AUTS2: variants seen among roughly 807,000 people sequenced by gnomAD.
AUTS2 encodes the protein activator of transcription and developmental regulator AUTS2, also known as autism susceptibility gene 2 protein.
AUTS2 carries 17 observed loss-of-function variants against 112.4 expected under a neutral mutation model. The ratio of observed to expected loss-of-function variants is 0.15; its 90% CI spans 0.10 to 0.23. The LOEUF (loss-of-function observed/expected upper bound fraction) is 0.23, where lower values mean the gene tolerates loss of function less well. Among genes scored for constraint, AUTS2 ranks in the 10% least tolerant of loss-of-function variants. The pLI is 1.00. For synonymous variants in AUTS2, 751 were observed against 702.7 expected, an observed-to-expected ratio of 1.07 and a Z score of -1.09; for missense variants, 1,510 against 1,701.6, an observed-to-expected ratio of 0.89 and a Z score of 1.98.
At chr7:70,660,393 A>G in intron 5 of AUTS2, among the ~76,000 whole-genome samples, 1 of 152,160 alleles carries the variant, frequency 6.6e-6, no homozygotes, top group East Asian at 1.9e-4. Context: ...CATCTGTGTG[A>G]TGAATCCAGG....
intron 1 of AUTS2, among the ~76,000 whole-genome samples, chr7:69,762,331 G>C (rs973370621): frequency 1.0e-5 from 1 of 98,694 alleles, no homozygotes; most frequent in African/African-American, 4.0e-5. Context: ...TTTTGAGATG[G>C]GGTATCACCC....
At chr7:70,529,364 A>G (rs1483786905) in intron 5 of AUTS2, among the ~76,000 whole-genome samples, 1 of 152,212 alleles carries the variant, frequency 6.6e-6, no homozygotes, top group Non-Finnish European at 1.5e-5. Context: ...GACAGGACAG[A>G]TAGAGTGACT....
intron 1 of AUTS2, among the ~76,000 whole-genome samples, chr7:69,884,218 G>A (rs566567202): frequency 6.6e-6 from 1 of 152,320 alleles, no homozygotes; most frequent in South Asian, 2.1e-4. Flanking sequence ...ACTCTGCTGA[G>A]CTCATTGTGG....
rs1164169546 is a variant in AUTS2, at chr7:70,766,679, T to C, written c.1689+345T>C. ...ACTGTCACCAGGCAGAAAATGCACC[T>C]GCTTGTGCTTTGCATCAAGTGCTAG... On this transcript the variant is annotated intron_variant, in intron 9 of 18. Coordinates refer to ENST00000342771, the MANE Select transcript of AUTS2 (RefSeq NM_015570.4). This position sits in a 1 kb window ranked among gnomAD's most constrained non-coding sequence, Gnocchi z 4.8. 6.6e-6 allele frequency among the ~76,000 whole-genome samples: 1 copy of C among 152,224 alleles called. No individual in the cohort carries two copies. The highest frequency in any genetic ancestry group is 1.5e-5 in the Non-Finnish European group (1 of 68,036).
At chr7:70,218,408 CAA>C (rs1368621141) in intron 4 of AUTS2, among the ~76,000 whole-genome samples, 2 of 152,088 alleles carry the variant, frequency 1.3e-5, no homozygotes, top group Admixed American at 6.5e-5. Context: ...GATGCGGTAA[CAA>C]GGATAATATG....
At chr7:69,792,691 G>C (rs2129327700) in intron 1 of AUTS2, among the ~76,000 whole-genome samples, 2 of 152,090 alleles carry the variant, frequency 1.3e-5, no homozygotes, top group African/African-American at 4.8e-5. Context: ...TTTCCTCCCA[G>C]ATTCTTAGTG....
At chr7:69,982,675 C>T (rs528925439) in intron 2 of AUTS2, among the ~76,000 whole-genome samples, 2 of 152,308 alleles carry the variant, frequency 1.3e-5, no homozygotes, top group South Asian at 4.1e-4. Flanking sequence ...ATGCCAGTGA[C>T]AAAGCATTGG....
At chr7:70,691,305 G>A (rs1181815701) in intron 5 of AUTS2, among the ~76,000 whole-genome samples, 1 of 151,918 alleles carries the variant, frequency 6.6e-6, no homozygotes, top group African/African-American at 2.4e-5. Flanking sequence ...ATGTTAAGAA[G>A]CCATTAGTGT....
chr7:70,755,763 G>A (rs77961701), intron 6 of AUTS2, among the ~76,000 whole-genome samples: 4,236 of 152,012 alleles, frequency 0.028, 211 homozygotes, highest in African/African-American at 0.096. Flanking sequence ...TATTGTCCGC[G>A]AAAAGAGTTA....
At chr7:69,853,990 A>G (rs1007799810) in intron 1 of AUTS2, among the ~76,000 whole-genome samples, 1 of 152,156 alleles carries the variant, frequency 6.6e-6, no homozygotes, top group Non-Finnish European at 1.5e-5. Context: ...AACAGATTTT[A>G]TGAGGTTCCC....
intron 1 of AUTS2, among the ~76,000 whole-genome samples, chr7:69,805,582 AAGAC>A (rs796859930): frequency 2.8e-4 from 42 of 152,324 alleles, no homozygotes; most frequent in African/African-American, 1.0e-3. Context: ...GAATAGGAAA[AAGAC>A]AGGGAAAATG....
intron 1 of AUTS2, among the ~76,000 whole-genome samples, chr7:69,676,821 CT>C (rs11295807): frequency 0.7 from 103,965 of 147,736 alleles, 36,338 homozygotes; most frequent in East Asian, 0.78. Context: ...TTTCTTTTTT[CT>C]TTTTTTTTTT....
chr7:70,333,773 CAG>C (rs1436478955), intron 4 of AUTS2, among the ~76,000 whole-genome samples: 1 of 151,880 alleles, frequency 6.6e-6, no homozygotes, highest in Admixed American at 6.6e-5. Context: ...CACATGGACA[CAG>C]GGAGGGGAAC....
chr7:70,121,835 AC>A (rs781778620), intron 3 of AUTS2, among the ~76,000 whole-genome samples: 5 of 152,152 alleles, frequency 3.3e-5, no homozygotes, highest in Non-Finnish European at 2.9e-5. Flanking sequence ...TTAGGTATAT[AC>A]CCCAAAGAAT....
rs572172462 is a variant in AUTS2, at chr7:69,598,633, AGCG to A, written c.-1003_-1001del. ...CTCCCTCAGGCGGGGCGGCGAGAGAAGCGGCGGCGGCGGCGGCGGCACACCGGT... is the reference window on the plus strand; with the variant it reads ...CTCCCTCAGGCGGGGCGGCGAGAGAAGCGGCGGCGGCGGCGGCACACCGGT... On this transcript the variant is annotated 5_prime_UTR_variant, in exon 1 of 19. Transcript: ENST00000342771. 1.8e-3 allele frequency: 262 copies of A among 148,204 alleles called. No individual in the cohort carries two copies. Among genetic ancestry groups the A allele is most frequent in the South Asian group, 6.9e-3 (58 of 8,460 alleles). The allele number at this position is 148,204 out of a possible 1,614,324, so 9.2% of individuals were successfully genotyped here.
At chr7:69,802,209 G>C (rs530463779) in intron 1 of AUTS2, among the ~76,000 whole-genome samples, 1 of 152,144 alleles carries the variant, frequency 6.6e-6, no homozygotes, top group Non-Finnish European at 1.5e-5. Context: ...AGGGGAGAGC[G>C]TATGTTTCTT....
chr7:69,975,994 G>T (rs1434661680), intron 2 of AUTS2, among the ~76,000 whole-genome samples: 1 of 152,076 alleles, frequency 6.6e-6, no homozygotes, highest in African/African-American at 2.4e-5. Flanking sequence ...TAAAAAAAAT[G>T]CATTTTACTC....
chr7:70,255,074 CTTT>C (rs3078929), intron 4 of AUTS2, among the ~76,000 whole-genome samples: 8 of 129,610 alleles, frequency 6.2e-5, no homozygotes, highest in Admixed American at 8.1e-5. Context: ...TCAAAATTAC[CTTT>C]TTTTTTTTTT....
At chr7:69,958,351 A>G (rs1383033487) in intron 2 of AUTS2, among the ~76,000 whole-genome samples, 1 of 152,100 alleles carries the variant, frequency 6.6e-6, no homozygotes, top group African/African-American at 2.4e-5. Flanking sequence ...TTTACTGAAA[A>G]CAGGCGTGAA....
Sources: allele counts gnomAD v4.1 joint callset (sites outside exome capture counted in the v4.1 genomes callset), GRCh38; gene constraint gnomAD v4.1.1; non-coding constraint Gnocchi (gnomAD v3.1); transcripts MANE v1.5; gene names NCBI Gene and HGNC (gene_info 2026-07-23, HGNC 2026-07-21).